Variants in EBF1 observed in about 807,000 individuals in gnomAD.
EBF1 encodes the protein EBF transcription factor 1.
Under a neutral mutation model 68.4 loss-of-function variants are expected in EBF1, and 10 were observed. The ratio of observed to expected loss-of-function variants is 0.15; its 90% confidence interval spans 0.09 to 0.25. EBF1 has a LOEUF of 0.25. EBF1 is among the 10% of genes least tolerant of loss of function. EBF1 has a pLI of 1.00. For missense variants in EBF1, 509 were observed against 794.4 expected, an observed-to-expected ratio of 0.64 and a Z score of 4.32; for synonymous variants, 298 against 299.8, an observed-to-expected ratio of 0.99 and a Z score of 0.06.
At chr5:158,914,937 G>A (rs574555454) in intron 6 of EBF1, among the ~76,000 whole-genome samples, 1 of 152,246 alleles carries the variant, frequency 6.6e-6, no homozygotes, top group Admixed American at 6.5e-5. Context: ...ATTACTGAAT[G>A]CCGTCTGTTC....
chr5:158,809,776 A>T (rs970621241), intron 8 of EBF1, among the ~76,000 whole-genome samples: 4 of 152,162 alleles, frequency 2.6e-5, no homozygotes, highest in Non-Finnish European at 4.4e-5. Context: ...ATCTAACACA[A>T]ACGATAGCAA....
chr5:158,823,761 G>T (rs1204834975), intron 7 of EBF1, among the ~76,000 whole-genome samples: 2 of 152,130 alleles, frequency 1.3e-5, no homozygotes, highest in African/African-American at 4.8e-5. Context: ...AAATGAAAAA[G>T]ATTTCAGTAA....
chr5:159,020,017 G>C (rs1005641787), intron 6 of EBF1, among the ~76,000 whole-genome samples: 3 of 152,012 alleles, frequency 2.0e-5, no homozygotes, highest in Admixed American at 6.6e-5. Context: ...TGGGATCTCA[G>C]TTTCCCCACC....
intron 6 of EBF1, among the ~76,000 whole-genome samples, chr5:158,861,234 C>T (rs1212390757): frequency 6.6e-6 from 1 of 152,170 alleles, no homozygotes; most frequent in Non-Finnish European, 1.5e-5. Flanking sequence ...TGAAGAGAAA[C>T]ATTATTAATG....
At chr5:159,057,672 C>A (rs1775027308) in intron 6 of EBF1, among the ~76,000 whole-genome samples, 1 of 152,142 alleles carries the variant, frequency 6.6e-6, no homozygotes, top group South Asian at 2.1e-4. Flanking sequence ...GGTCTTTGGG[C>A]AACATTGCTG....
chr5:158,755,806 G>A (rs1180895309), intron 10 of EBF1, among the ~76,000 whole-genome samples: 1 of 152,054 alleles, frequency 6.6e-6, no homozygotes, highest in Non-Finnish European at 1.5e-5. Flanking sequence ...TATGTTTGAG[G>A]GAGTTTGGGT....
At chr5:159,018,041 T>C (rs918757651) in intron 6 of EBF1, among the ~76,000 whole-genome samples, 7 of 151,818 alleles carry the variant, frequency 4.6e-5, no homozygotes, top group East Asian at 1.9e-4. Context: ...CAAGGAGCCA[T>C]GGCCCCTCCC....
intron 6 of EBF1, among the ~76,000 whole-genome samples, chr5:159,054,785 C>T (rs1418399091): frequency 2.6e-5 from 4 of 152,176 alleles, no homozygotes; most frequent in African/African-American, 4.8e-5. Context: ...CAAGTCTCAA[C>T]CAGATTAAGA....
At chr5:158,855,521 G>A (rs943836410) in intron 6 of EBF1, among the ~76,000 whole-genome samples, 1 of 152,130 alleles carries the variant, frequency 6.6e-6, no homozygotes, top group East Asian at 1.9e-4. Context: ...CCCCACCCTG[G>A]GTCCTGGAGG....
intron 11 of EBF1, among the ~76,000 whole-genome samples, chr5:158,725,097 G>T (rs575797237): frequency 6.6e-6 from 1 of 152,320 alleles, no homozygotes; most frequent in East Asian, 1.9e-4. Flanking sequence ...ACTTCATAGA[G>T]ACTGAGATTT....
At chr5:158,841,357 G>T (rs1369721307) in intron 6 of EBF1, among the ~76,000 whole-genome samples, 3 of 152,132 alleles carry the variant, frequency 2.0e-5, no homozygotes, top group Admixed American at 6.5e-5. Context: ...CCTTCTACCT[G>T]CCCAGGTTTG....
chr5:158,718,230 T>A (rs960510959), intron 11 of EBF1, among the ~76,000 whole-genome samples: 1 of 152,174 alleles, frequency 6.6e-6, no homozygotes, highest in Non-Finnish European at 1.5e-5. Context: ...CTTCCCAGCA[T>A]CGACCTACAA....
At chr5:159,090,414 TA>T (rs750495935) in intron 4 of EBF1, among the ~76,000 whole-genome samples, 87 of 151,990 alleles carry the variant, frequency 5.7e-4, no homozygotes, top group Non-Finnish European at 1.1e-3. Context: ...TGGAATAAAA[TA>T]AAAAAATAAT....
At chr5:159,020,969 C>T (rs774664235) in intron 6 of EBF1, among the ~76,000 whole-genome samples, 6 of 152,202 alleles carry the variant, frequency 3.9e-5, no homozygotes, top group Admixed American at 6.5e-5. Context: ...TTCTTATTTG[C>T]AATGAACACC....
intron 6 of EBF1, among the ~76,000 whole-genome samples, chr5:159,027,108 T>C (rs1767857066): frequency 6.6e-6 from 1 of 152,194 alleles, no homozygotes; most frequent in African/African-American, 2.4e-5. Flanking sequence ...GAAGAGGGTA[T>C]GTCCAGCATT....
intron 6 of EBF1, among the ~76,000 whole-genome samples, chr5:158,996,079 A>C (rs1043234572): frequency 2.8e-4 from 43 of 152,196 alleles, no homozygotes; most frequent in African/African-American, 1.0e-3. Context: ...CCCAAATCCA[A>C]CTTTAATTTA....
chr5:158,702,824 T>G (rs1191834220), intron 15 of EBF1, among the ~76,000 whole-genome samples: 1 of 149,240 alleles, frequency 6.7e-6, no homozygotes, highest in East Asian at 2.0e-4. Flanking sequence ...GGGTAAATCT[T>G]GCACCGACTG....
At chr5:159,051,660 T>C (rs1773784860) in intron 6 of EBF1, among the ~76,000 whole-genome samples, 1 of 151,792 alleles carries the variant, frequency 6.6e-6, no homozygotes, top group Non-Finnish European at 1.5e-5. Flanking sequence ...GCCCCGACTG[T>C]AAGAAGTAAT....
chr5:158,926,593 A>C (rs1809745220), intron 6 of EBF1, among the ~76,000 whole-genome samples: 1 of 150,262 alleles, frequency 6.7e-6, no homozygotes, highest in South Asian at 2.1e-4. Context: ...GCATGGTGGC[A>C]CACACCTGTA....
Sources: gnomAD v4.1 joint callset for allele counts (sites outside exome capture counted in the v4.1 genomes callset) on GRCh38, gnomAD v4.1.1 for gene constraint, MANE v1.5 for transcripts, NCBI Gene and HGNC (gene_info 2026-07-23, HGNC 2026-07-21) for gene names.